ABCA13: variants seen among roughly 807,000 people sequenced by gnomAD.
The protein encoded by ABCA13 is ATP-binding cassette sub-family A member 13.
Under a neutral mutation model 478.7 loss-of-function variants are expected in ABCA13, and 476 were observed. The ratio of observed to expected loss-of-function variants is 0.99; its 90% CI spans 0.92 to 1.07. ABCA13 has a LOEUF of 1.07. ABCA13 is among the 50% of genes least tolerant of loss of function. ABCA13 has a pLI of 0.00. For missense variants in ABCA13, 6,060 were observed against 5,910.6 expected (o/e 1.03, Z -0.83); for synonymous variants, 2,252 against 2,158.9 (o/e 1.04, Z -1.20).
chr7:48,481,014 A>G (rs1437387433), intron 45 of ABCA13, 22 bp from the exon 46 acceptor site: 4 of 1,522,536 alleles, frequency 2.6e-6, no homozygotes, highest in East Asian at 2.4e-5. Flanking sequence ...GTTTGTTTTT[A>G]TCTTTTTGAA....
chr7:48,447,416 T>C (rs879557298), intron 42 of ABCA13, among the ~76,000 whole-genome samples: 2 of 152,178 alleles, frequency 1.3e-5, no homozygotes, highest in African/African-American at 2.4e-5. Flanking sequence ...TTGGGAATAC[T>C]GTGAGTAGCT....
intron 23 of ABCA13, among the ~76,000 whole-genome samples, chr7:48,308,305 T>G (rs1321288088): frequency 1.3e-5 from 2 of 152,202 alleles, no homozygotes; most frequent in Non-Finnish European, 2.9e-5. Flanking sequence ...CAATGCCTTC[T>G]TCTGGATACC....
At chr7:48,450,034 A>G (rs1294845146) in intron 42 of ABCA13, among the ~76,000 whole-genome samples, 1 of 152,126 alleles carries the variant, frequency 6.6e-6, no homozygotes, top group Non-Finnish European at 1.5e-5. Flanking sequence ...TACTTGTTTG[A>G]CTCTATTACA....
chr7:48,520,223 A>G lies in ABCA13; in HGVS notation c.13980A>G (p.Gln4660=), dbSNP rs575747081. Residue 4660 remains glutamine, a synonymous_variant, in exon 53 of 62, where the codon CAA becomes CAG. Transcript: ENST00000435803. ...ACTTTCTGGGCTGGATCTTCGTGCA[A>G]CTGGCCTCGCAGGGCACAGTACTTC... The part of the protein sequence containing the change: ...EMNFLGWIFV[Q]LASQGTVLLL... 4 of 1,613,644 alleles carry G rather than the reference A, an allele frequency of 2.5e-6. No individual in the cohort carries two copies. In the South Asian group the frequency reaches 3.3e-5, roughly 13 times the overall value.
intron 15 of ABCA13, among the ~76,000 whole-genome samples, chr7:48,249,770 G>C (rs573010430): frequency 7.9e-5 from 12 of 152,296 alleles, no homozygotes; most frequent in Non-Finnish European, 1.8e-4. Context: ...AACACAAACT[G>C]TTTTTCTCTA....
chr7:48,362,678 G>T (rs73099311), intron 31 of ABCA13, among the ~76,000 whole-genome samples: 1 of 150,500 alleles, frequency 6.6e-6, no homozygotes, highest in South Asian at 2.1e-4. Context: ...TTATTGTAGT[G>T]GTTACCTTAT....
In ABCA13 at chr7:48,281,453, G is replaced by T; in HGVS notation, c.8836+1G>T. On this transcript the variant is annotated splice_donor_variant, in intron 19 of 61. Coordinates refer to ENST00000435803, the MANE Select transcript of ABCA13 (RefSeq NM_152701.5). LOFTEE classifies it high-confidence loss of function. ...GTACGTGTGCTCACCATCGTTGCAG[G>T]TGGGCTGCTCATATAACAAGTGCTC... The T allele has an allele frequency of 6.3e-7, 1 of 1,588,528 alleles. No individual in the cohort carries two copies. The highest frequency in any genetic ancestry group is 2.3e-5 in the East Asian group (1 of 43,832).
rs1917944 is a variant in ABCA13, at chr7:48,215,608, A to C, written c.288-3746A>C. On this transcript the variant is annotated intron_variant, in intron 3 of 61. Coordinates refer to ENST00000435803, the MANE Select transcript of ABCA13 (RefSeq NM_152701.5). ...GTATCTGTGAAGCACAATAAAGCGA[A>C]GCATAATAAAACAAGGTAGGCCTGT... 4.9e-3 allele frequency among the ~76,000 whole-genome samples: 742 copies of C among 152,318 alleles called. 1 individual carries two copies. The highest frequency in any genetic ancestry group is 8.7e-3 in the Non-Finnish European group (593 of 68,018).
intron 27 of ABCA13, among the ~76,000 whole-genome samples, chr7:48,330,207 A>T (rs1398258252): frequency 6.6e-6 from 1 of 151,438 alleles, no homozygotes; most frequent in Non-Finnish European, 1.5e-5. Context: ...CAATCCATTC[A>T]TCCATTTATC....
intron 45 of ABCA13, among the ~76,000 whole-genome samples, chr7:48,478,102 G>C (rs1187160018): frequency 6.6e-6 from 1 of 150,664 alleles, no homozygotes; most frequent in Non-Finnish European, 1.5e-5. Flanking sequence ...CATCAAGGTT[G>C]GCTGATTTAT....
At chr7:48,197,550 G>A (rs1024105034) in intron 2 of ABCA13, among the ~76,000 whole-genome samples, 2 of 152,100 alleles carry the variant, frequency 1.3e-5, no homozygotes, top group Non-Finnish European at 2.9e-5. Flanking sequence ...GTAAATGATA[G>A]AAAACCAGGT....
chr7:48,234,753 C>T (rs201042230), intron 8 of ABCA13, among the ~76,000 whole-genome samples: 1 of 152,334 alleles, frequency 6.6e-6, no homozygotes, highest in African/African-American at 2.4e-5. Flanking sequence ...TTTGTAGGCA[C>T]TTCTGCTTTG....
chr7:48,276,478 TC>T lies in ABCA13; in HGVS notation c.6813del (p.Phe2272SerfsTer5). On this transcript the variant is annotated frameshift_variant, in exon 17 of 62. Coordinates refer to ENST00000435803, the MANE Select transcript of ABCA13 (RefSeq NM_152701.5). LOFTEE classifies it high-confidence loss of function. ...VDFTEQFLKT[F>X]FSLFLKEDSE... ...TTCACAGAACAGTTTTTGAAAACATTCTTCTCCCTTTTTCTAAAGGAAGATT... is the reference window on the plus strand; with the variant it reads ...TTCACAGAACAGTTTTTGAAAACATTTTCTCCCTTTTTCTAAAGGAAGATT... 6.2e-7 allele frequency: 1 copy of T among 1,607,218 alleles called. No homozygotes were observed. Among genetic ancestry groups the T allele is most frequent in the Non-Finnish European group, 8.5e-7 (1 of 1,177,406 alleles).
At chr7:48,633,185 A>G (rs965460671) in intron 59 of ABCA13, among the ~76,000 whole-genome samples, 5 of 152,226 alleles carry the variant, frequency 3.3e-5, no homozygotes, top group African/African-American at 1.2e-4. Flanking sequence ...CATCCAGAAG[A>G]TAGATAGCTG....
intron 55 of ABCA13, among the ~76,000 whole-genome samples, chr7:48,561,530 A>G (rs1208892109): frequency 6.6e-6 from 1 of 152,126 alleles, no homozygotes; most frequent in Non-Finnish European, 1.5e-5. Flanking sequence ...TTAGCTATTC[A>G]GATGTCTTAT....
At chr7:48,565,545 G>A (rs537088872) in intron 55 of ABCA13, among the ~76,000 whole-genome samples, 74 of 151,990 alleles carry the variant, frequency 4.9e-4, no homozygotes, top group Middle Eastern at 6.8e-3. Flanking sequence ...CCTTTAAACC[G>A]GGGGGATAAA....
intron 3 of ABCA13, among the ~76,000 whole-genome samples, chr7:48,203,622 A>G (rs927682683): frequency 2.1e-5 from 2 of 97,044 alleles, no homozygotes; most frequent in Non-Finnish European, 5.1e-5. Context: ...CATTTTAACA[A>G]GAGGATTTCA....
At chr7:48,198,470 G>A in intron 3 of ABCA13, 110 bp downstream of exon 3, 1 of 1,245,704 alleles carries the variant, frequency 8.0e-7, no homozygotes, top group Non-Finnish European at 1.1e-6. Flanking sequence ...GAGATCATGA[G>A]AAGTATAGAA....
intron 58 of ABCA13, among the ~76,000 whole-genome samples, chr7:48,604,852 G>A (rs1417967153): frequency 3.3e-5 from 5 of 152,166 alleles, no homozygotes; most frequent in African/African-American, 1.2e-4. Flanking sequence ...CTATTATTGT[G>A]TGGGAGTATA....
Sources: allele counts gnomAD v4.1 joint callset (sites outside exome capture counted in the v4.1 genomes callset), GRCh38; gene constraint gnomAD v4.1.1; transcripts MANE v1.5; gene names NCBI Gene and HGNC (gene_info 2026-07-23, HGNC 2026-07-21).